MEF2C: variants seen among roughly 807,000 people sequenced by gnomAD.
MEF2C encodes myocyte enhancer factor 2C.
In MEF2C, 6 loss-of-function variants were observed where a neutral mutation model predicts 50.5. The observed-to-expected ratio is 0.12, with a 90% confidence interval of 0.07 to 0.23. The LOEUF (loss-of-function observed/expected upper bound fraction) is 0.23, where lower values mean the gene tolerates loss of function less well. Ranked by LOEUF, MEF2C falls within the 10% of genes least tolerant of loss-of-function variation. The probability of loss-of-function intolerance (pLI) is 1.00; values close to 1 mark genes in which losing one functional copy is unlikely to be tolerated. For missense variants in MEF2C, 276 were observed against 605.0 expected (o/e 0.46, Z 5.70); for synonymous variants, 183 against 228.0 (o/e 0.80, Z 1.78).
At chr5:88,882,038 T>C (rs1833049645) in intron 1 of MEF2C, among the ~76,000 whole-genome samples, 1 of 152,212 alleles carries the variant, frequency 6.6e-6, no homozygotes, top group Non-Finnish European at 1.5e-5. Context: ...GGACTTAGAA[T>C]AGTCAGAAGT....
At chr5:88,897,249 A>G (rs1372801129) in intron 1 of MEF2C, among the ~76,000 whole-genome samples, 1 of 152,188 alleles carries the variant, frequency 6.6e-6, no homozygotes, top group African/African-American at 2.4e-5. Flanking sequence ...TGTTGGTTAT[A>G]TAGTATTTGT....
At chr5:88,751,333 T>G (rs561404916) in intron 5 of MEF2C, 1 of 985,478 alleles carries the variant, frequency 1.0e-6, no homozygotes, top group African/African-American at 1.7e-5. Flanking sequence ...GCTTTGTTTT[T>G]ATTTCACATG....
chr5:88,883,990 G>C (rs148180366), upstream of MEF2C, among the ~76,000 whole-genome samples: 2,039 of 152,252 alleles, frequency 0.013, 22 homozygotes, highest in Middle Eastern at 0.027. Context: ...GCTAATTTTA[G>C]TTTTACGGTG....
At chr5:88,891,393 C>CTTTTTTTTTT (rs771799863) in intron 1 of MEF2C, among the ~76,000 whole-genome samples, 27 of 104,850 alleles carry the variant, frequency 2.6e-4, no homozygotes, top group African/African-American at 7.9e-4. Flanking sequence ...ACCAACCAAC[C>CTTTTTTTTTT]TTTTTTTTTT....
intron 3 of MEF2C, among the ~76,000 whole-genome samples, chr5:88,799,142 C>T (rs1395159279): frequency 6.6e-6 from 1 of 152,198 alleles, no homozygotes; most frequent in Non-Finnish European, 1.5e-5. Flanking sequence ...CTTGAGGAAG[C>T]AGTCTGTCCC....
intron 3 of MEF2C, chr5:88,775,907 T>C: frequency 1.5e-6 from 1 of 659,542 alleles, no homozygotes; most frequent in Non-Finnish European, 1.9e-6. Context: ...GCCCTCAGTA[T>C]GACTTAAAGC....
rs568200728 is a variant in MEF2C, at chr5:88,858,349, G to A, written c.-143+24606C>T. Among the ~76,000 whole-genome samples, 75 of 152,214 alleles carry A rather than the reference G, an allele frequency of 4.9e-4. No homozygotes were observed. In the Middle Eastern group the frequency reaches 0.017, roughly 35 times the overall value. On this transcript the variant is annotated intron_variant, in intron 1 of 10. Transcript: ENST00000504921. Reference sequence around the variant, plus strand: ...AGGTACTTTTCCAGTCATTTCAGGGGACCCTTAAAGAAGCAAGACTCCATA... The same window carrying A: ...AGGTACTTTTCCAGTCATTTCAGGGAACCCTTAAAGAAGCAAGACTCCATA...
chr5:88,729,730 T>C (rs1760610332), intron 8 of MEF2C, among the ~76,000 whole-genome samples: 1 of 152,194 alleles, frequency 6.6e-6, no homozygotes, highest in Non-Finnish European at 1.5e-5. Flanking sequence ...TGTTCAGTTC[T>C]ACATACAGCA....
chr5:88,862,325 C>A (rs958315200), intron 1 of MEF2C, among the ~76,000 whole-genome samples: 1 of 152,284 alleles, frequency 6.6e-6, no homozygotes, highest in South Asian at 2.1e-4. Flanking sequence ...CACACACACA[C>A]ACAGAGATAC....
intron 1 of MEF2C, among the ~76,000 whole-genome samples, chr5:88,899,687 A>G (rs1202812860): frequency 6.6e-6 from 1 of 152,146 alleles, no homozygotes; most frequent in African/African-American, 2.4e-5. Flanking sequence ...GATGCAGGGC[A>G]ATGATTAAAC....
At chr5:88,763,765 C>A (rs953237895) in intron 3 of MEF2C, among the ~76,000 whole-genome samples, 9 of 151,758 alleles carry the variant, frequency 5.9e-5, no homozygotes, top group Admixed American at 5.3e-4. Context: ...GACAATCCTT[C>A]CAACTCAGCC....
intron 3 of MEF2C, among the ~76,000 whole-genome samples, chr5:88,787,743 A>G (rs1791666622): frequency 6.6e-6 from 1 of 152,218 alleles, no homozygotes; most frequent in Admixed American, 6.5e-5. Context: ...TGAAGATAAA[A>G]TTCCGCACAT....
chr5:88,840,060 G>A lies in MEF2C; in HGVS notation c.-142-16130C>T, dbSNP rs145647191. Among the ~76,000 whole-genome samples, 91 of 152,254 alleles carry A rather than the reference G, an allele frequency of 6.0e-4. 1 individual carries two copies. In the East Asian group the frequency reaches 0.013, roughly 23 times the overall value. ...GGATATTAATATTGGCAAGAGTTATGCAAGGTCATATCATTTTTCCCTCCT... is the reference window on the plus strand; with the variant it reads ...GGATATTAATATTGGCAAGAGTTATACAAGGTCATATCATTTTTCCCTCCT... On this transcript the variant is annotated intron_variant, in intron 1 of 10. Transcript: ENST00000504921.
intron 1 of MEF2C, among the ~76,000 whole-genome samples, chr5:88,851,368 A>T (rs538398386): frequency 6.6e-6 from 1 of 152,194 alleles, no homozygotes; most frequent in Non-Finnish European, 1.5e-5. Context: ...TGGAGAGCCA[A>T]AAGTTATATA....
Position 88,721,562 on chromosome 5 carries a change from A to G in MEF2C, c.*1042T>C, listed in dbSNP as rs1170435107. The G allele has an allele frequency of 6.6e-6, 1 of 152,636 alleles. No homozygotes were observed. Among genetic ancestry groups the G allele is most frequent in the African/African-American group, 2.4e-5 (1 of 41,454 alleles). 9.5% of individuals were successfully genotyped at this position (152,636 alleles called of 1,614,324 possible). On this transcript the variant is annotated 3_prime_UTR_variant, in exon 11 of 11. Coordinates refer to ENST00000504921, the MANE Select transcript of MEF2C (RefSeq NM_002397.5). ...ACCCCCCTCCCGCTATTAAGATAAC[A>G]AAACTTCTGCTATTACCATAATATT...
chr5:88,825,469 C>T (rs1031182778), intron 1 of MEF2C: 2 of 982,674 alleles, frequency 2.0e-6, no homozygotes, highest in Admixed American at 1.2e-4. Context: ...TCATCAAAAA[C>T]TATTGCTCCA....
At position 88,729,231 on chromosome 5, in the gene MEF2C, T is replaced by C. The variant is rs2152223394; in HGVS notation, c.951A>G (p.Thr317=). Residue 317 remains threonine (T), a synonymous_variant, in exon 9 of 11, where the codon ACA becomes ACG. Coordinates refer to ENST00000504921, the MANE Select transcript of MEF2C (RefSeq NM_002397.5). ...GMGGYPSAIS[T]TYGTEYSLSS... is the part of the protein sequence containing the mutation. ...AAAGCTACTCACCGGTACCATATGT[T>C]GTTGAAATGGCTGATGGATATCCTC... 2 of 1,613,246 alleles carry C rather than the reference T, an allele frequency of 1.2e-6. No homozygotes were observed. The highest frequency in any genetic ancestry group is 2.2e-5 in the East Asian group (1 of 44,860).
upstream of MEF2C, among the ~76,000 whole-genome samples, chr5:88,887,049 C>G (rs1318168186): frequency 6.6e-6 from 1 of 152,172 alleles, no homozygotes; most frequent in Non-Finnish European, 1.5e-5. Context: ...GCCACAGCAA[C>G]CCACCCTGAG....
chr5:88,769,654 T>G (rs968673103), intron 3 of MEF2C, among the ~76,000 whole-genome samples: 14 of 152,150 alleles, frequency 9.2e-5, no homozygotes, highest in African/African-American at 2.7e-4. Flanking sequence ...CTATAGTTGT[T>G]GTTGTTGTTA....
Sources: allele counts gnomAD v4.1 joint callset (sites outside exome capture counted in the v4.1 genomes callset), GRCh38; gene constraint gnomAD v4.1.1; transcripts MANE v1.5; gene names NCBI Gene and HGNC (gene_info 2026-07-23, HGNC 2026-07-21).